ABTB1: variants seen among roughly 807,000 people sequenced by gnomAD.
ABTB1 encodes ankyrin repeat and BTB domain containing 1.
A neutral mutation model predicts 57.1 loss-of-function variants in ABTB1; 45 were observed. The ratio of observed to expected loss-of-function variants is 0.79; its 90% CI spans 0.62 to 1.01. The LOEUF (loss-of-function observed/expected upper bound fraction) is 1.01. Among genes scored for constraint, ABTB1 ranks in the 50% least tolerant of loss-of-function variants. The probability of loss-of-function intolerance (pLI) is 0.00; values close to 1 mark genes in which losing one functional copy is unlikely to be tolerated. For synonymous variants in ABTB1, 302 were observed against 275.4 expected, an observed-to-expected ratio of 1.10 and a Z score of -0.95; for missense variants, 630 against 666.3, an observed-to-expected ratio of 0.95 and a Z score of 0.60.
rs1170878832 is a variant in ABTB1 at position 127,675,264 on chromosome 3, C to CTT, written c.175+683_175+684dup. On this transcript the variant is annotated intron_variant, in intron 3 of 11. Coordinates refer to ENST00000232744, the MANE Select transcript of ABTB1 (RefSeq NM_172027.3). ...ATTCTTCTTCCTATTTTGGTTTTTT[C>CTT]TTTTTTTTTTTTTTTTTTTTGGAGA... Among the ~76,000 whole-genome samples, 908 of 123,814 alleles carry CTT rather than the reference C, an allele frequency of 7.3e-3. 22 individuals carry two copies. The highest frequency in any genetic ancestry group is 0.023 in the African/African-American group (749 of 32,384). The allele number at this position is 123,814 out of a possible 152,430, so 81.2% of individuals were successfully genotyped here. A position where few individuals can be genotyped will look rare whatever the true frequency, so the allele number is the denominator to read the frequency against.
At position 127,680,014 on chromosome 3, in the gene ABTB1, G is replaced by C; in HGVS notation, c.1059G>C (p.Leu353=). The C allele has an allele frequency of 6.2e-7, 1 of 1,613,652 alleles. No individual in the cohort carries two copies. Among genetic ancestry groups the C allele is most frequent in the Non-Finnish European group, 8.5e-7 (1 of 1,180,026 alleles). ...CCCCCGAGGCAGCCTATGATGTGCT[G>C]AGCGTCGCCGACATGTACCTGCTGC... ...ELSPEAAYDV[L]SVADMYLLPG... is the part of the protein sequence containing the mutation. Residue 353 remains leucine, a synonymous_variant, in exon 11 of 12, where the codon CTG becomes CTC. Coordinates refer to ENST00000232744, the MANE Select transcript of ABTB1 (RefSeq NM_172027.3).
chr3:127,677,294 C>G lies in ABTB1; in HGVS notation c.762+8C>G, dbSNP rs767698602. The G allele has an allele frequency of 6.3e-7, 1 of 1,587,338 alleles. No homozygotes were observed. ...CTGCCCCCCGAGCTCCGAGTAAGTG[C>G]GGGGCTGGTGGGCAGGAAGGGCGTT... On this transcript the variant is annotated splice_region_variant and intron_variant, in intron 8 of 11. Coordinates refer to ENST00000232744, the MANE Select transcript of ABTB1 (RefSeq NM_172027.3).
At position 127,676,287 on chromosome 3, in the gene ABTB1, C is replaced by T; in HGVS notation, c.336C>T (p.Gly112=). The change falls in exon 5 of 12, where the codon GGC becomes GGT. Residue 112 remains glycine (G), a synonymous_variant. Transcript: ENST00000232744. The surrounding 1 kb of genome is among the most constrained non-coding windows in gnomAD (Gnocchi z 5.4). ...CCCTCCCCAGGCTTCTAGAGCAGGG[C>T]ATCCACAGTGACGTGGTCTTTGTAG... is the stretch of plus-strand genomic sequence containing the variant. ...DDFLQRLLEQ[G]IHSDVVFVVH... 2.5e-6 allele frequency: 4 copies of T among 1,613,648 alleles called. No homozygotes were observed. Among genetic ancestry groups the T allele is most frequent in the Non-Finnish European group, 3.4e-6 (4 of 1,179,744 alleles).
chr3:127,674,504 A>G (rs1173101147), intron 2 of ABTB1, 41 bp from the exon 3 acceptor site: 1 of 1,614,026 alleles, frequency 6.2e-7, no homozygotes, highest in South Asian at 1.1e-5. Flanking sequence ...GCACCCCTTC[A>G]GCACTGAGGA....
In ABTB1 at chr3:127,677,254, C is replaced by T. The variant is rs778858779; in HGVS notation, c.730C>T (p.Leu244=). The T allele has an allele frequency of 1.9e-5, 31 of 1,595,572 alleles. 1 individual carries two copies. The South Asian group carries it at 2.8e-4, about 14-fold the overall frequency. ...DPRLREDMAL[L]ADCALPPELR... is the part of the protein sequence containing the mutation. ...CCGCCTCCGGGAGGACATGGCGCTG[C>T]TGGCCGATTGTGCCCTGCCCCCCGA... The change falls in exon 8 of 12, where the codon CTG becomes TTG. Residue 244 remains leucine, a synonymous_variant. Transcript: ENST00000232744.
At position 127,677,102 on chromosome 3, in the gene ABTB1, G is replaced by GC. The variant is rs1450924962; in HGVS notation, c.643+22dup. The GC allele has an allele frequency of 1.2e-6, 2 of 1,613,828 alleles. No homozygotes were observed. Among genetic ancestry groups the GC allele is most frequent in the Admixed American group, 3.3e-5 (2 of 60,004 alleles). On this transcript the variant is annotated intron_variant, in intron 7 of 11. Transcript: ENST00000232744. ...GAGTTTGGTGCGAGCAGGGTTTGGG[G>GC]CCCGGGGCCATGGGTGCGGCCTGGC... is the stretch of plus-strand genomic sequence containing the variant.
In ABTB1 at chr3:127,680,856, CA is replaced by C. The variant is rs1559892916; in HGVS notation, c.*382del. 3 of 602,440 alleles carry C rather than the reference CA, an allele frequency of 5.0e-6. No homozygotes were observed. The highest frequency in any genetic ancestry group is 2.8e-5 in the East Asian group (1 of 36,052). The allele number at this position is 602,440 out of a possible 1,614,324, so 37.3% of individuals were successfully genotyped here. A position where few individuals can be genotyped will look rare whatever the true frequency, so the allele number is the denominator to read the frequency against. On this transcript the variant is annotated 3_prime_UTR_variant, in exon 12 of 12. Coordinates refer to ENST00000232744, the MANE Select transcript of ABTB1 (RefSeq NM_172027.3). The stretch of plus-strand genomic sequence containing the variant: ...GCTTCTCTAAGCTGGTGTTCCCATG[CA>C]CAGGGCCATTCAGGAAGGGCTGGGG...
intron 3 of ABTB1, 57 bp downstream of exon 3, chr3:127,674,657 G>A: frequency 6.3e-7 from 1 of 1,595,828 alleles, no homozygotes; most frequent in Non-Finnish European, 8.6e-7. Flanking sequence ...GTGTGCGTGT[G>A]GGTGCATGCA....
rs2074921552 is a variant in ABTB1, at chr3:127,674,210, C to T, written c.57-181C>T. 4 of 697,916 alleles carry T rather than the reference C, an allele frequency of 5.7e-6. No individual in the cohort carries two copies. In the South Asian group the frequency reaches 7.1e-5, roughly 12 times the overall value. 43.2% of individuals were successfully genotyped at this position (697,916 alleles called of 1,614,324 possible). A position where few individuals can be genotyped will look rare whatever the true frequency, so the allele number is the denominator to read the frequency against. ...GTCTGCCTGTTCGACCCCACCTCCA[C>T]ATCCTTGCCTGCACTTTGCCTTGAG... On this transcript the variant is annotated intron_variant, in intron 1 of 11. Coordinates refer to ENST00000232744, the MANE Select transcript of ABTB1 (RefSeq NM_172027.3).
At position 127,672,975 on chromosome 3, in the gene ABTB1, G is replaced by A; in HGVS notation, c.-51G>A. 2 of 1,516,406 alleles carry A rather than the reference G, an allele frequency of 1.3e-6. No individual in the cohort carries two copies. Among genetic ancestry groups the A allele is most frequent in the Non-Finnish European group, 1.8e-6 (2 of 1,128,360 alleles). The allele number at this position is 1,516,406 out of a possible 1,614,324, so 93.9% of individuals were successfully genotyped here. On this transcript the variant is annotated 5_prime_UTR_variant, in exon 1 of 12. Coordinates refer to ENST00000232744, the MANE Select transcript of ABTB1 (RefSeq NM_172027.3). The stretch of plus-strand genomic sequence containing the variant: ...CTGAGCGTGTTTACATCCGCCGGGT[G>A]CGCGGCTTCGCCGCCCGAGGTCGTT...
At chr3:127,674,164 C>G in intron 1 of ABTB1, 1 of 582,354 alleles carries the variant, frequency 1.7e-6, no homozygotes, top group South Asian at 2.0e-5. Flanking sequence ...CCATCGTCCC[C>G]CAGCACTGAT....
chr3:127,680,586 G>T lies in ABTB1; in HGVS notation c.*111G>T. ...CCCTGCACATTGAGGGCTTCATGGG[G>T]GGTGCGAGGGGCTCAGTGGGGCTTC... On this transcript the variant is annotated 3_prime_UTR_variant, in exon 12 of 12. Transcript: ENST00000232744. The T allele has an allele frequency of 2.2e-6, 3 of 1,337,578 alleles. No individual in the cohort carries two copies. The highest frequency in any genetic ancestry group is 3.2e-6 in the Non-Finnish European group (3 of 944,226). 82.9% of individuals were successfully genotyped at this position (1,337,578 alleles called of 1,614,324 possible). A position where few individuals can be genotyped will look rare whatever the true frequency, so the allele number is the denominator to read the frequency against.
At position 127,672,997 on chromosome 3, in the gene ABTB1, C is replaced by G; in HGVS notation, c.-29C>G. On this transcript the variant is annotated 5_prime_UTR_variant, in exon 1 of 12. Transcript: ENST00000232744. ...GGTGCGCGGCTTCGCCGCCCGAGGT[C>G]GTTCGGCTCGGGTACCATCCTCCGC... 2 of 1,543,038 alleles carry G rather than the reference C, an allele frequency of 1.3e-6. No homozygotes were observed. The highest frequency in any genetic ancestry group is 1.2e-5 in the South Asian group (1 of 84,484).
In ABTB1 at chr3:127,680,493, C is replaced by G; in HGVS notation, c.*18C>G. On this transcript the variant is annotated 3_prime_UTR_variant, in exon 12 of 12. Transcript: ENST00000232744. ...ACTGTTGAGCCCCTGGCTGGGCAGC[C>G]CCAGGGGCCAGGAGCTCTCTTGGAG... 1 of 1,597,072 alleles carries G rather than the reference C, an allele frequency of 6.3e-7. No homozygotes were observed. Among genetic ancestry groups the G allele is most frequent in the South Asian group, 1.1e-5 (1 of 90,058 alleles).
rs371661296 is a variant in ABTB1 at position 127,676,920 on chromosome 3, A to G, written c.527-47A>G. Reference sequence around the variant, plus strand: ...GGATCACCCTTTTTCTGTGGGCCTGATGACAGCTGAGGTCCCGCAGGCCCT... The same window carrying G: ...GGATCACCCTTTTTCTGTGGGCCTGGTGACAGCTGAGGTCCCGCAGGCCCT... On this transcript the variant is annotated intron_variant, in intron 6 of 11. Transcript: ENST00000232744. This position sits in a 1 kb window ranked among gnomAD's most constrained non-coding sequence, Gnocchi z 5.4. 21 of 1,580,078 alleles carry G rather than the reference A, an allele frequency of 1.3e-5. No homozygotes were observed. In the African/African-American group the frequency reaches 2.6e-4, roughly 19 times the overall value.
chr3:127,674,864 C>A (rs544977364), intron 3 of ABTB1, among the ~76,000 whole-genome samples: 2 of 152,382 alleles, frequency 1.3e-5, no homozygotes. Flanking sequence ...CTCTCTCTTG[C>A]CATTGCAGCC....
intron 11 of ABTB1, 32 bp from the exon 12 acceptor site, chr3:127,680,237 C>T (rs1393903617): frequency 6.2e-7 from 1 of 1,613,214 alleles, no homozygotes; most frequent in Non-Finnish European, 8.5e-7. Context: ...GGGCAGGCAC[C>T]CCTCCACTGA....
At position 127,680,667 on chromosome 3, in the gene ABTB1, C is replaced by G; in HGVS notation, c.*192C>G. The G allele has an allele frequency of 1.3e-6, 1 of 778,944 alleles. No individual in the cohort carries two copies. Among genetic ancestry groups the G allele is most frequent in the Non-Finnish European group, 2.2e-6 (1 of 456,208 alleles). The allele number at this position is 778,944 out of a possible 1,614,324, so 48.3% of individuals were successfully genotyped here. A position where few individuals can be genotyped will look rare whatever the true frequency, so the allele number is the denominator to read the frequency against. On this transcript the variant is annotated 3_prime_UTR_variant, in exon 12 of 12. Coordinates refer to ENST00000232744, the MANE Select transcript of ABTB1 (RefSeq NM_172027.3). Reference sequence around the variant, plus strand: ...GGAGGATCCATTTGGGATGAGCCCCCTCCCCCCAATGCACAAGCCAGCCCC... The same window carrying G: ...GGAGGATCCATTTGGGATGAGCCCCGTCCCCCCAATGCACAAGCCAGCCCC...
In ABTB1 at chr3:127,672,965, T is replaced by A; in HGVS notation, c.-61T>A. 2 of 1,504,618 alleles carry A rather than the reference T, an allele frequency of 1.3e-6. No individual in the cohort carries two copies. Among genetic ancestry groups the A allele is most frequent in the Non-Finnish European group, 8.9e-7 (1 of 1,121,732 alleles). 93.2% of individuals were successfully genotyped at this position (1,504,618 alleles called of 1,614,324 possible). ...CGGGGCGGGGCTGAGCGTGTTTACA[T>A]CCGCCGGGTGCGCGGCTTCGCCGCC... On this transcript the variant is annotated 5_prime_UTR_variant, in exon 1 of 12. Transcript: ENST00000232744.
Sources: allele counts gnomAD v4.1 joint callset (sites outside exome capture counted in the v4.1 genomes callset), GRCh38; gene constraint gnomAD v4.1.1; non-coding constraint Gnocchi (gnomAD v3.1); transcripts MANE v1.5; gene names NCBI Gene and HGNC (gene_info 2026-07-23, HGNC 2026-07-21).